JHY: variants seen among roughly 807,000 people sequenced by gnomAD.
The protein encoded by JHY is junctional cadherin complex regulator.
Under a neutral mutation model 78.0 loss-of-function variants are expected in JHY, and 69 were observed. That is an observed-to-expected ratio of 0.88 (90% CI 0.73 to 1.08). The LOEUF (loss-of-function observed/expected upper bound fraction) is 1.08, where lower values mean the gene tolerates loss of function less well. JHY is among the 50% of genes least tolerant of loss of function. The pLI is 0.00. For synonymous variants in JHY, 368 were observed against 342.6 expected, an observed-to-expected ratio of 1.07 and a Z score of -0.82; for missense variants, 944 against 927.8, an observed-to-expected ratio of 1.02 and a Z score of -0.23.
At chr11:122,940,383 T>C (rs1277454233) in intron 5 of JHY, among the ~76,000 whole-genome samples, 1 of 152,174 alleles carries the variant, frequency 6.6e-6, no homozygotes, top group African/African-American at 2.4e-5. Flanking sequence ...ATGCTCACTT[T>C]TCATTGTTTT....
chr11:122,908,956 A>G (rs1863052392), intron 3 of JHY, among the ~76,000 whole-genome samples: 2 of 152,198 alleles, frequency 1.3e-5, no homozygotes. Context: ...AAAAGTATAA[A>G]TGAACAATTC....
chr11:122,961,635 G>A lies in JHY; in HGVS notation c.*2190G>A, dbSNP rs1864319206. ...CTTCCAAAGTGCTGGGATTACAGGC[G>A]TTAGCTACTACACCTGGCCCTATGA... On this transcript the variant is annotated 3_prime_UTR_variant, in exon 9 of 9. Coordinates refer to ENST00000227349, the MANE Select transcript of JHY (RefSeq NM_024806.4). 2.6e-5 allele frequency among the ~76,000 whole-genome samples: 4 copies of A among 152,180 alleles called. No homozygotes were observed. The highest frequency in any genetic ancestry group is 4.4e-5 in the Non-Finnish European group (3 of 68,038).
chr11:122,886,584 T>C (rs114981888), intron 2 of JHY, among the ~76,000 whole-genome samples: 2,271 of 152,170 alleles, frequency 0.015, 67 homozygotes, highest in African/African-American at 0.052. Flanking sequence ...ACTTAACTCT[T>C]TTTTTTATTT....
intron 5 of JHY, among the ~76,000 whole-genome samples, chr11:122,943,167 G>C (rs113846490): frequency 6.6e-5 from 10 of 152,292 alleles, no homozygotes; most frequent in African/African-American, 1.9e-4. Flanking sequence ...AAGCCACCTC[G>C]CTCAGCTAGT....
chr11:122,914,690 G>A (rs537477181), intron 3 of JHY, among the ~76,000 whole-genome samples: 11 of 152,120 alleles, frequency 7.2e-5, no homozygotes, highest in South Asian at 2.1e-4. Context: ...TGATCTGCCC[G>A]CCTCAGCCTC....
At chr11:122,950,479 C>A (rs2135377607) in intron 6 of JHY, among the ~76,000 whole-genome samples, 2 of 152,310 alleles carry the variant, frequency 1.3e-5, no homozygotes, top group Middle Eastern at 6.8e-3. Flanking sequence ...TCAATTCTCA[C>A]TCGGCAAGAT....
chr11:122,957,781 G>T (rs1864223793), intron 8 of JHY, among the ~76,000 whole-genome samples: 1 of 147,834 alleles, frequency 6.8e-6, no homozygotes, highest in African/African-American at 2.5e-5. Flanking sequence ...ATCATTCACA[G>T]ATAGCAATGC....
At chr11:122,945,049 CAT>C (rs1863937201) in intron 5 of JHY, among the ~76,000 whole-genome samples, 1 of 152,184 alleles carries the variant, frequency 6.6e-6, no homozygotes, top group Non-Finnish European at 1.5e-5. Context: ...AATTATCACA[CAT>C]GTTCCCTTTG....
chr11:122,925,962 A>G (rs1863488942), intron 4 of JHY, among the ~76,000 whole-genome samples: 1 of 151,952 alleles, frequency 6.6e-6, no homozygotes, highest in Non-Finnish European at 1.5e-5. Context: ...GGTTGCAGTG[A>G]GCCAAGATCA....
chr11:122,929,248 T>G (rs1380635256), intron 4 of JHY, among the ~76,000 whole-genome samples: 5 of 151,912 alleles, frequency 3.3e-5, no homozygotes, highest in Non-Finnish European at 7.4e-5. Flanking sequence ...TTGTTTTTTT[T>G]TTTTTTTAAA....
intron 5 of JHY, among the ~76,000 whole-genome samples, chr11:122,940,845 T>TTA (rs1863860519): frequency 1.3e-5 from 2 of 151,670 alleles, no homozygotes; most frequent in African/African-American, 4.9e-5. Context: ...CCTTCCTTCC[T>TTA]TCTTTATCTC....
chr11:122,924,141 C>T (rs1342982022), intron 3 of JHY, among the ~76,000 whole-genome samples: 1 of 151,984 alleles, frequency 6.6e-6, no homozygotes, highest in Non-Finnish European at 1.5e-5. Context: ...GGGATCAGGG[C>T]ATTAGTATTT....
At chr11:122,909,118 AG>A (rs1863057140) in intron 3 of JHY, among the ~76,000 whole-genome samples, 1 of 152,244 alleles carries the variant, frequency 6.6e-6, no homozygotes, top group South Asian at 2.1e-4. Flanking sequence ...TACACATATA[AG>A]AGGTTACTCA....
At chr11:122,929,753 T>C (rs1246417722) in intron 4 of JHY, among the ~76,000 whole-genome samples, 1 of 152,226 alleles carries the variant, frequency 6.6e-6, no homozygotes, top group African/African-American at 2.4e-5. Flanking sequence ...TTTGTTTGTT[T>C]ATGTGTGGAG....
intron 3 of JHY, among the ~76,000 whole-genome samples, chr11:122,921,539 A>AT (rs1251950998): frequency 1.3e-5 from 2 of 152,022 alleles, no homozygotes; most frequent in African/African-American, 2.4e-5. Flanking sequence ...GATAGAGTTG[A>AT]TTTTTCTTTT....
chr11:122,939,101 C>G (rs1863817199), intron 5 of JHY, among the ~76,000 whole-genome samples: 3 of 151,884 alleles, frequency 2.0e-5, no homozygotes, highest in Non-Finnish European at 2.9e-5. Context: ...GATTCTCCTG[C>G]CTCAGCCTCC....
intron 5 of JHY, among the ~76,000 whole-genome samples, 178 bp from the exon 6 acceptor site, chr11:122,946,320 G>GA (rs1273800838): frequency 6.6e-6 from 1 of 152,206 alleles, no homozygotes; most frequent in East Asian, 1.9e-4. Context: ...GGAAAAAGAG[G>GA]AGGAGTTTAA....
intron 3 of JHY, among the ~76,000 whole-genome samples, chr11:122,909,646 G>T (rs1010240895): frequency 6.6e-6 from 1 of 152,130 alleles, no homozygotes; most frequent in Non-Finnish European, 1.5e-5. Flanking sequence ...GAGCATGGTG[G>T]TGTGTGCCTG....
rs1863259235 is a variant in JHY, at chr11:122,917,625, A to G, written c.865-7272A>G. 6.6e-6 allele frequency among the ~76,000 whole-genome samples: 1 copy of G among 152,210 alleles called. No homozygotes were observed. The highest frequency in any genetic ancestry group is 2.1e-4 in the South Asian group (1 of 4,830). ...CTCAAATTTTAAAACCCCTATGTTA[A>G]AATGTTAGGCCTTTCCTCTAAGTCA... On this transcript the variant is annotated intron_variant, in intron 3 of 8. Transcript: ENST00000227349. The surrounding 1 kb of genome is among the most constrained non-coding windows in gnomAD (Gnocchi z 4.1).
Sources: gnomAD v4.1 joint callset for allele counts (sites outside exome capture counted in the v4.1 genomes callset) on GRCh38, gnomAD v4.1.1 for gene constraint, Gnocchi (gnomAD v3.1) non-coding constraint, MANE v1.5 for transcripts, NCBI Gene and HGNC (gene_info 2026-07-23, HGNC 2026-07-21) for gene names.